SLIT3: variants seen among roughly 807,000 people sequenced by gnomAD.
SLIT3 encodes slit guidance ligand 3.
Under a neutral mutation model 184.0 loss-of-function variants are expected in SLIT3, and 68 were observed. That is an observed-to-expected ratio of 0.37 (90% confidence interval 0.30 to 0.45). The LOEUF (loss-of-function observed/expected upper bound fraction) is 0.45. SLIT3 is among the 20% of genes least tolerant of loss of function. The pLI, the probability that SLIT3 is intolerant of heterozygous loss-of-function variation, is 1.00. For missense variants in SLIT3, 1,707 were observed against 2,026.0 expected (o/e 0.84, Z 3.02); for synonymous variants, 831 against 828.6 (o/e 1.00, Z -0.05).
At chr5:168,989,721 G>C (rs370075123) in intron 4 of SLIT3, among the ~76,000 whole-genome samples, 1 of 152,132 alleles carries the variant, frequency 6.6e-6, no homozygotes, top group Non-Finnish European at 1.5e-5. Context: ...ACCCTAAAAC[G>C]AGAAGATCAG....
At chr5:168,685,054 G>A (rs1226529906) in intron 31 of SLIT3, among the ~76,000 whole-genome samples, 1 of 152,126 alleles carries the variant, frequency 6.6e-6, no homozygotes, top group South Asian at 2.1e-4. Flanking sequence ...AGGTTCAAGC[G>A]ATTCTCATGC....
chr5:169,178,476 G>C (rs1284338569), intron 4 of SLIT3, among the ~76,000 whole-genome samples: 1 of 152,206 alleles, frequency 6.6e-6, no homozygotes, highest in Non-Finnish European at 1.5e-5. Flanking sequence ...AGCTTACACA[G>C]AGCTTGGCAC....
intron 18 of SLIT3, among the ~76,000 whole-genome samples, chr5:168,751,527 A>T: frequency 6.6e-6 from 1 of 152,328 alleles, no homozygotes; most frequent in African/African-American, 2.4e-5. Context: ...AGATGAAGTC[A>T]CTTTCCCAAG....
At chr5:168,779,259 G>C (rs959882451) in intron 12 of SLIT3, among the ~76,000 whole-genome samples, 5 of 152,168 alleles carry the variant, frequency 3.3e-5, no homozygotes, top group African/African-American at 1.2e-4. Context: ...GCTGCTGTGA[G>C]AGCCAGTCCC....
intron 28 of SLIT3, among the ~76,000 whole-genome samples, chr5:168,693,034 G>A (rs1422845126): frequency 6.6e-6 from 1 of 152,210 alleles, no homozygotes; most frequent in Non-Finnish European, 1.5e-5. Context: ...TTTGGGCCAT[G>A]CTTATTCATT....
At chr5:169,169,564 T>A (rs1762753618) in intron 4 of SLIT3, among the ~76,000 whole-genome samples, 1 of 152,144 alleles carries the variant, frequency 6.6e-6, no homozygotes, top group East Asian at 1.9e-4. Flanking sequence ...GGGAGAATGG[T>A]AGAAGTTTTC....
chr5:168,957,775 G>C (rs1478574075), intron 4 of SLIT3, among the ~76,000 whole-genome samples: 2 of 152,038 alleles, frequency 1.3e-5, no homozygotes, highest in African/African-American at 4.8e-5. Flanking sequence ...GTATGTGTTG[G>C]GGGCGGGAGG....
At chr5:168,715,930 C>T (rs1360705216) in intron 23 of SLIT3, among the ~76,000 whole-genome samples, 2 of 151,846 alleles carry the variant, frequency 1.3e-5, no homozygotes, top group African/African-American at 4.8e-5. Context: ...CCTTGGCCCC[C>T]CAAAGTGCTG....
At chr5:169,243,629 A>T (rs989132561) in intron 3 of SLIT3, among the ~76,000 whole-genome samples, 4 of 152,234 alleles carry the variant, frequency 2.6e-5, no homozygotes, top group African/African-American at 9.6e-5. Flanking sequence ...GTGGCCCCAG[A>T]TAAATTGACT....
chr5:169,134,251 G>A (rs1485039529), intron 4 of SLIT3, among the ~76,000 whole-genome samples: 3 of 152,196 alleles, frequency 2.0e-5, no homozygotes, highest in Non-Finnish European at 2.9e-5. Context: ...GCTACTCACT[G>A]AGCTTAGAAT....
chr5:169,275,925 C>A (rs1766785561), intron 1 of SLIT3, among the ~76,000 whole-genome samples: 1 of 152,020 alleles, frequency 6.6e-6, no homozygotes, highest in Non-Finnish European at 1.5e-5. Context: ...GCAGATAAGG[C>A]TTTTGGATTG....
intron 4 of SLIT3, among the ~76,000 whole-genome samples, chr5:168,902,354 C>T (rs867840005): frequency 8.5e-5 from 13 of 152,122 alleles, no homozygotes; most frequent in South Asian, 4.1e-4. Flanking sequence ...GGAAGATAGA[C>T]GTAAGAAAAC....
chr5:168,960,603 G>A lies in SLIT3; in HGVS notation c.414-77267C>T, dbSNP rs142692862. On this transcript the variant is annotated intron_variant, in intron 4 of 35. Coordinates refer to ENST00000519560, the MANE Select transcript of SLIT3 (RefSeq NM_003062.4). ...TCATTCATGTCATTCCATGACAGGA[G>A]GCATGTTCTTATTAGTGTGAGTCCA... Among the ~76,000 whole-genome samples the A allele has an allele frequency of 5.1e-4, 77 of 152,364 alleles. 1 individual carries two copies. In the East Asian group the frequency reaches 0.014, roughly 28 times the overall value.
chr5:168,899,353 G>C (rs4516872), intron 4 of SLIT3, among the ~76,000 whole-genome samples: 1 of 152,004 alleles, frequency 6.6e-6, no homozygotes, highest in African/African-American at 2.4e-5. Flanking sequence ...CCATCACTAC[G>C]AAAAATAAAA....
intron 4 of SLIT3, among the ~76,000 whole-genome samples, chr5:168,989,139 T>C (rs535471304): frequency 1.3e-5 from 2 of 152,314 alleles, no homozygotes; most frequent in South Asian, 2.1e-4. Flanking sequence ...AGAATGCCTC[T>C]TTTGCAAAGA....
intron 3 of SLIT3, among the ~76,000 whole-genome samples, chr5:169,244,187 C>T (rs1581096036): frequency 6.6e-6 from 1 of 152,244 alleles, no homozygotes; most frequent in Non-Finnish European, 1.5e-5. Flanking sequence ...CTTCTTGACA[C>T]AGGCTGATGC....
chr5:168,883,458 G>T, intron 4 of SLIT3, 122 bp from the exon 5 acceptor site: 1 of 713,114 alleles, frequency 1.4e-6, no homozygotes, highest in South Asian at 1.7e-5. Context: ...GTGTATGGCG[G>T]CTGTTTGGTC....
Position 168,868,768 on chromosome 5 carries a change from AAAAAG to A in SLIT3, c.485+14492_485+14496del, listed in dbSNP as rs1170098509. On this transcript the variant is annotated intron_variant, in intron 5 of 35. Coordinates refer to ENST00000519560, the MANE Select transcript of SLIT3 (RefSeq NM_003062.4). ...GCCTCAAAAAAAAAAAAAAAAAAAG[AAAAAG>A]AAAAAGAAAAAGAAAGGCAAAAATT... Among the ~76,000 whole-genome samples the A allele has an allele frequency of 2.9e-3, 291 of 101,674 alleles. 1 individual carries two copies. Among genetic ancestry groups the A allele is most frequent in the African/African-American group, 0.017 (268 of 16,010 alleles). 66.7% of individuals were successfully genotyped at this position (101,674 alleles called of 152,430 possible).
intron 4 of SLIT3, among the ~76,000 whole-genome samples, chr5:168,943,946 G>A (rs896578615): frequency 1.3e-5 from 2 of 152,128 alleles, no homozygotes; most frequent in South Asian, 2.1e-4. Flanking sequence ...ACTCCTTGGC[G>A]AATCCCTAAG....
Sources: allele counts gnomAD v4.1 joint callset (sites outside exome capture counted in the v4.1 genomes callset), GRCh38; gene constraint gnomAD v4.1.1; transcripts MANE v1.5; gene names NCBI Gene and HGNC (gene_info 2026-07-23, HGNC 2026-07-21).